Variants in AHCY observed in about 807,000 individuals in gnomAD.
The protein encoded by AHCY is adenosylhomocysteinase, also known as S-adenosyl-L-homocysteine hydrolase.
In AHCY, 24 loss-of-function variants were observed where a neutral mutation model predicts 45.4. That is an observed-to-expected ratio of 0.53 (90% CI 0.38 to 0.74). The LOEUF (loss-of-function observed/expected upper bound fraction) is 0.74. AHCY is among the 30% of genes least tolerant of loss of function. The pLI is 0.00. For synonymous variants in AHCY, 245 were observed against 235.1 expected, an observed-to-expected ratio of 1.04 and a Z score of -0.39; for missense variants, 449 against 594.1, an observed-to-expected ratio of 0.76 and a Z score of 2.54.
At chr20:34,301,980 A>G in intron 1 of AHCY, 1 of 983,558 alleles carries the variant, frequency 1.0e-6, no homozygotes, top group Non-Finnish European at 1.2e-6. Flanking sequence ...GGCATTCTCC[A>G]GACTTAATAG....
At chr20:34,252,186 A>G in the AHCY span, among the ~76,000 whole-genome samples, 1 of 152,216 alleles carries the variant, frequency 6.6e-6, no homozygotes, top group East Asian at 1.9e-4. Context: ...AAGAAATAAG[A>G]CACAGAGACA....
At chr20:34,293,299 A>G (rs1282118577) in intron 3 of AHCY, among the ~76,000 whole-genome samples, 2 of 152,204 alleles carry the variant, frequency 1.3e-5, no homozygotes, top group East Asian at 3.9e-4. Flanking sequence ...ACTAGGGCAC[A>G]GGTGTGGGGT....
chr20:34,291,677 C>A lies in AHCY; in HGVS notation c.446-146G>T. 4 of 764,304 alleles carry A rather than the reference C, an allele frequency of 5.2e-6. No homozygotes were observed. The South Asian group carries it at 5.9e-5, about 11-fold the overall frequency. 47.3% of individuals were successfully genotyped at this position (764,304 alleles called of 1,614,324 possible). On this transcript the variant is annotated intron_variant, in intron 4 of 9. Coordinates refer to ENST00000217426, the MANE Select transcript of AHCY (RefSeq NM_000687.4). ...CAGGCCCCCCAATCACCCAGACCCG[C>A]GTGAGGGAGGAGTCCCCAACGCCCT...
At chr20:34,235,852 GGAAGGAAGGAAGGA>G in the AHCY span, among the ~76,000 whole-genome samples, 6 of 39,652 alleles carry the variant, frequency 1.5e-4, no homozygotes, top group African/African-American at 2.0e-3. Context: ...AAGGAAGGAA[GGAAGGAAGGAAGGA>G]AAGGAAGGAA....
At chr20:34,236,020 GAGA>G in the AHCY span, among the ~76,000 whole-genome samples, 7 of 114,304 alleles carry the variant, frequency 6.1e-5, 1 homozygote, top group African/African-American at 1.0e-4. Context: ...GAAAGAGAGA[GAGA>G]AGAAGAAAGA....
At chr20:34,258,230 A>G in the AHCY span, among the ~76,000 whole-genome samples, 43,136 of 151,820 alleles carry the variant, frequency 0.28, 11,003 homozygotes, top group African/African-American at 0.69. Flanking sequence ...TGATGTTCTT[A>G]TTCCAATCCA....
downstream of AHCY, chr20:34,280,210 C>CTA (rs2035957782): frequency 6.6e-6 from 1 of 152,256 alleles, no homozygotes; most frequent in Non-Finnish European, 1.5e-5. Context: ...CTATAACCCC[C>CTA]TATTCATGGC....
chr20:34,236,126 AAGGAAAGGAG>A, the AHCY span, among the ~76,000 whole-genome samples: 2 of 150,630 alleles, frequency 1.3e-5, no homozygotes, highest in East Asian at 3.9e-4. Flanking sequence ...AAGGAGTGGA[AAGGAAAGGAG>A]AGGAAAGGAG....
At chr20:34,285,270 TCA>T (rs2036134828) in intron 9 of AHCY, among the ~76,000 whole-genome samples, 168 bp downstream of exon 9, 1 of 152,330 alleles carries the variant, frequency 6.6e-6, no homozygotes, top group East Asian at 1.9e-4. Flanking sequence ...ACTGTGGGTC[TCA>T]GTTTCTTCTT....
chr20:34,272,349 C>T, the AHCY span, among the ~76,000 whole-genome samples: 1 of 152,220 alleles, frequency 6.6e-6, no homozygotes, highest in Admixed American at 6.5e-5. Flanking sequence ...GATTTCCCCC[C>T]ACCAGCAGGC....
the AHCY span, among the ~76,000 whole-genome samples, chr20:34,235,840 AGAAGGAAG>A: frequency 9.3e-5 from 5 of 53,752 alleles, no homozygotes; most frequent in Admixed American, 8.6e-4. Context: ...AAAGAAAGAA[AGAAGGAAG>A]GAAGGAAGGA....
chr20:34,249,136 A>C, the AHCY span, among the ~76,000 whole-genome samples: 1 of 152,164 alleles, frequency 6.6e-6, no homozygotes, highest in East Asian at 1.9e-4. Flanking sequence ...CTCGAAAAAA[A>C]AAAATCTAAT....
At chr20:34,287,023 C>T (rs2036211015) in intron 8 of AHCY, among the ~76,000 whole-genome samples, 1 of 152,032 alleles carries the variant, frequency 6.6e-6, no homozygotes, top group African/African-American at 2.4e-5. Context: ...TCTGAACACA[C>T]AAACTTGCTT....
the AHCY span, among the ~76,000 whole-genome samples, chr20:34,274,561 G>T: frequency 6.6e-6 from 1 of 152,242 alleles, no homozygotes; most frequent in Middle Eastern, 3.4e-3. Flanking sequence ...TCTCACTAGT[G>T]GAGCTTCTGG....
the AHCY span, among the ~76,000 whole-genome samples, chr20:34,238,100 T>A: frequency 1.3e-5 from 2 of 152,242 alleles, no homozygotes; most frequent in Non-Finnish European, 2.9e-5. Context: ...TTTCAAAAGT[T>A]TGATTATACC....
At position 34,290,850 on chromosome 20, in the gene AHCY, G is replaced by A. The variant is rs764398625; in HGVS notation, c.647C>T (p.Ala216Val). 3.0e-5 allele frequency: 49 copies of A among 1,613,964 alleles called. 2 individuals carry two copies. Among genetic ancestry groups the A allele is most frequent in the South Asian group, 2.7e-4 (25 of 91,078 alleles). ...ATDVMIAGKV[A>V]VVAGYGDVGK... is the part of the protein sequence containing the mutation. Reference sequence around the variant, plus strand: ...CACATCACCATAGCCTGCTACCACCGCTACCTTGCCGGCAATCATCACATC... The same window carrying A: ...CACATCACCATAGCCTGCTACCACCACTACCTTGCCGGCAATCATCACATC... The change falls in exon 6 of 10, where the codon GCG becomes GTG. Residue 216 changes from alanine (A) to valine (V), a missense_variant. Physicochemically the swap from Ala to Val is moderately conservative, Grantham distance 64 (BLOSUM62 0). Transcript: ENST00000217426. The surrounding 1 kb of genome is among the most constrained non-coding windows in gnomAD (Gnocchi z 4.5).
At chr20:34,295,218 TCAC>T (rs1278729144) in intron 2 of AHCY, 174 bp downstream of exon 2, 2 of 798,770 alleles carry the variant, frequency 2.5e-6, no homozygotes, top group East Asian at 2.7e-5. Context: ...TGCAGAACAC[TCAC>T]CACAAGGGGT....
At chr20:34,267,681 GCCA>G in the AHCY span, among the ~76,000 whole-genome samples, 1 of 151,972 alleles carries the variant, frequency 6.6e-6, no homozygotes, top group East Asian at 1.9e-4. Context: ...TTACAGATGT[GCCA>G]CCATGCTGGG....
chr20:34,282,274 C>T (rs1017642213), intron 9 of AHCY, among the ~76,000 whole-genome samples: 4 of 152,174 alleles, frequency 2.6e-5, no homozygotes, highest in African/African-American at 9.7e-5. Context: ...AAGCAGCCCT[C>T]TGGAGAGGCC....
Sources: allele counts gnomAD v4.1 joint callset (sites outside exome capture counted in the v4.1 genomes callset), GRCh38; gene constraint gnomAD v4.1.1; non-coding constraint Gnocchi (gnomAD v3.1); transcripts MANE v1.5; gene names NCBI Gene and HGNC (gene_info 2026-07-23, HGNC 2026-07-21).